The following DET1 variants were observed in gnomAD, a reference collection of about 807,000 sequenced individuals.
DET1 encodes DET1 partner of COP1 E3 ubiquitin ligase.
DET1 carries 22 observed loss-of-function variants against 43.7 expected under a neutral mutation model. That is an observed-to-expected ratio of 0.50 (90% CI 0.36 to 0.72). The LOEUF is 0.72. Ranked by LOEUF, DET1 falls within the 30% of genes least tolerant of loss-of-function variation. The pLI is 0.00. For synonymous variants in DET1, 315 were observed against 266.2 expected (o/e 1.18, Z -1.79); for missense variants, 713 against 713.3 (o/e 1.00, Z 0.00).
chr15:88,524,123 C>T (rs1183356398), intron 3 of DET1, among the ~76,000 whole-genome samples: 2 of 152,020 alleles, frequency 1.3e-5, no homozygotes, highest in African/African-American at 2.4e-5. Context: ...TGCCTCTGCC[C>T]GGCCGCCCCG....
rs748799111 is a variant in DET1, at chr15:88,536,271, T to A, written c.-10-4556A>T. ...ATGAATTTACTGATACACCCTATAT[T>A]ATTAATGGTCTTTATCTCTTCCTGA... On this transcript the variant is annotated intron_variant, in intron 1 of 4. Transcript: ENST00000268148. 7.9e-6 allele frequency: 6 copies of A among 759,266 alleles called. No individual in the cohort carries two copies. The East Asian group carries it at 1.2e-4, about 15-fold the overall frequency. 47.0% of individuals were successfully genotyped at this position (759,266 alleles called of 1,614,324 possible). A position where few individuals can be genotyped will look rare whatever the true frequency, so the allele number is the denominator to read the frequency against.
intron 3 of DET1, among the ~76,000 whole-genome samples, chr15:88,521,235 T>C (rs1026482805): frequency 6.6e-6 from 1 of 152,212 alleles, no homozygotes; most frequent in African/African-American, 2.4e-5. Context: ...TTGCTGGGTA[T>C]ATTCTTCTTC....
chr15:88,502,502 C>T (rs1268193843), intron 8 of DET1: 2 of 152,160 alleles, frequency 1.3e-5, no homozygotes, highest in Non-Finnish European at 1.5e-5. Context: ...CAGGCTGGGC[C>T]AGGAAGAGCA....
rs781071186 is a variant in DET1, at chr15:88,531,762, A to G, written c.-10-47T>C. On this transcript the variant is annotated intron_variant, in intron 1 of 4. Coordinates refer to ENST00000268148, the MANE Select transcript of DET1 (RefSeq NM_001144074.3). The surrounding 1 kb of genome is among the most constrained non-coding windows in gnomAD (Gnocchi z 6.2). Reference sequence around the variant, plus strand: ...AAGTCAAGAAAGTGAAACAGAATTTACCAAAATATAAATATATACAAGTGA... The same window carrying G: ...AAGTCAAGAAAGTGAAACAGAATTTGCCAAAATATAAATATATACAAGTGA... The G allele has an allele frequency of 1.3e-6, 2 of 1,517,660 alleles. No homozygotes were observed. Among genetic ancestry groups the G allele is most frequent in the Non-Finnish European group, 8.9e-7 (1 of 1,128,086 alleles). The allele number at this position is 1,517,660 out of a possible 1,614,324, so 94.0% of individuals were successfully genotyped here. A position where few individuals can be genotyped will look rare whatever the true frequency, so the allele number is the denominator to read the frequency against.
At chr15:88,512,336 C>T, downstream of DET1, 1 of 985,192 alleles carries the variant, frequency 1.0e-6, no homozygotes, top group East Asian at 1.1e-4. Context: ...AACTGTCTTC[C>T]CTGTTGGCAC....
intron 3 of DET1, among the ~76,000 whole-genome samples, chr15:88,523,074 C>T (rs2056545812): frequency 6.6e-6 from 1 of 151,802 alleles, no homozygotes; most frequent in African/African-American, 2.4e-5. Flanking sequence ...CGGAGACCAG[C>T]CATGTTACCC....
At chr15:88,533,037 TATTGGATAAAGG>T in intron 1 of DET1, among the ~76,000 whole-genome samples, 1 of 152,316 alleles carries the variant, frequency 6.6e-6, no homozygotes, top group South Asian at 2.1e-4. Context: ...GCAAATCATA[TATTGGATAAAGG>T]GTTAATATCT....
intron 1 of DET1, among the ~76,000 whole-genome samples, chr15:88,535,698 G>T (rs1296107477): frequency 6.6e-6 from 1 of 152,044 alleles, no homozygotes; most frequent in Non-Finnish European, 1.5e-5. Flanking sequence ...AGAGGCTGAA[G>T]TGAGCTGAGA....
At chr15:88,543,204 T>G (rs1028421674) in intron 1 of DET1, among the ~76,000 whole-genome samples, 10 of 152,294 alleles carry the variant, frequency 6.6e-5, no homozygotes, top group East Asian at 3.9e-4. Context: ...CTTTAAGACC[T>G]TGGAGACACC....
intron 1 of DET1, among the ~76,000 whole-genome samples, chr15:88,544,435 A>G (rs1341773318): frequency 6.6e-6 from 1 of 152,208 alleles, no homozygotes; most frequent in Non-Finnish European, 1.5e-5. Flanking sequence ...ACTGGCAGAA[A>G]TATCACAAGC....
At chr15:88,511,675 C>T (rs1212714191), downstream of DET1, 2 of 919,564 alleles carry the variant, frequency 2.2e-6, no homozygotes, top group Non-Finnish European at 2.6e-6. Context: ...GACATAGTTT[C>T]CACTTGACTC....
Position 88,531,323 on chromosome 15 carries a change from A to G in DET1, c.383T>C (p.Leu128Pro). The G allele has an allele frequency of 6.2e-7, 1 of 1,614,004 alleles. No homozygotes were observed. Among genetic ancestry groups the G allele is most frequent in the Non-Finnish European group, 8.5e-7 (1 of 1,179,892 alleles). ...GRLFERFFVL[L>P]HITNVAANGE... The stretch of plus-strand genomic sequence containing the variant: ...ATTGGCCGCAACATTGGTAATGTGC[A>G]GCAGGACAAAAAAGCGTTCAAAGAG... Residue 128 changes from leucine to proline, a missense_variant, in exon 2 of 5, where the codon CTG becomes CCG. Leu to Pro is a moderately conservative substitution (Grantham distance 98, BLOSUM62 -3). Coordinates refer to ENST00000268148, the MANE Select transcript of DET1 (RefSeq NM_001144074.3). This position sits in a 1 kb window ranked among gnomAD's most constrained non-coding sequence, Gnocchi z 6.2.
intron 3 of DET1, among the ~76,000 whole-genome samples, chr15:88,522,773 T>G (rs953628489): frequency 1.4e-4 from 21 of 151,784 alleles, no homozygotes; most frequent in African/African-American, 4.8e-4. Context: ...CTGCCTCAGC[T>G]TCCCAAAGTG....
intron 2 of DET1, 39 bp from the exon 3 acceptor site, chr15:88,527,825 TATA>T (rs765914514): frequency 2.1e-6 from 3 of 1,431,090 alleles, no homozygotes; most frequent in African/African-American, 1.5e-5. Flanking sequence ...GACAGCTGAG[TATA>T]ATGCCATGCG....
intron 1 of DET1, among the ~76,000 whole-genome samples, chr15:88,542,242 G>GAGGA (rs1159762521): frequency 1.3e-5 from 2 of 152,124 alleles, no homozygotes; most frequent in African/African-American, 4.8e-5. Context: ...TAGGCCTGAG[G>GAGGA]AGGAAGCTAG....
At position 88,531,091 on chromosome 15, in the gene DET1, A is replaced by G; in HGVS notation, c.615T>C (p.Asp205=). The change falls in exon 2 of 5, where the codon GAT becomes GAC. Residue 205 remains aspartate, a synonymous_variant. Transcript: ENST00000268148. This position sits in a 1 kb window ranked among gnomAD's most constrained non-coding sequence, Gnocchi z 6.2. The part of the protein sequence containing the change: ...IIDLHTGRLC[D]TRTFKCDKVV... ...CCTTGTCACACTTGAACGTGCGTGT[A>G]TCACATAAGCGGCCGGTGTGAAGGT... 2 of 1,614,014 alleles carry G rather than the reference A, an allele frequency of 1.2e-6. No individual in the cohort carries two copies. The highest frequency in any genetic ancestry group is 1.7e-6 in the Non-Finnish European group (2 of 1,179,898).
intron 3 of DET1, among the ~76,000 whole-genome samples, chr15:88,518,473 A>G (rs2056406300): frequency 6.6e-6 from 1 of 152,236 alleles, no homozygotes; most frequent in Non-Finnish European, 1.5e-5. Context: ...AATACTGTCT[A>G]TATAATATGG....
At chr15:88,537,769 C>T (rs559744023) in intron 1 of DET1, among the ~76,000 whole-genome samples, 45 of 152,330 alleles carry the variant, frequency 3.0e-4, no homozygotes, top group African/African-American at 9.4e-4. Context: ...ACTCAGGCAT[C>T]CACAGGGACT....
At chr15:88,526,469 A>G (rs2056665500) in intron 3 of DET1, among the ~76,000 whole-genome samples, 1 of 152,240 alleles carries the variant, frequency 6.6e-6, no homozygotes, top group South Asian at 2.1e-4. Context: ...TCTGGCTCAT[A>G]GGAGGGCCTT....
Sources: allele counts gnomAD v4.1 joint callset (sites outside exome capture counted in the v4.1 genomes callset), GRCh38; gene constraint gnomAD v4.1.1; non-coding constraint Gnocchi (gnomAD v3.1); transcripts MANE v1.5; gene names NCBI Gene and HGNC (gene_info 2026-07-23, HGNC 2026-07-21).